The following ZNF345 variants were observed in gnomAD, a reference collection of about 807,000 sequenced individuals.
The protein encoded by ZNF345 is zinc finger protein 345, also known as zinc finger protein HZF10.
For missense variants in ZNF345, 527 were observed against 589.9 expected, an observed-to-expected ratio of 0.89 and a Z score of 1.10; for synonymous variants, 166 against 187.9, an observed-to-expected ratio of 0.88 and a Z score of 0.95.
intron 3 of ZNF345, chr19:36,891,439 G>T: frequency 1.3e-6 from 2 of 1,491,898 alleles, no homozygotes; most frequent in Admixed American, 2.3e-5. Flanking sequence ...CTCCTTACCT[G>T]TTTTAAAAAA....
chr19:36,867,487 A>G (rs1600704480), intron 2 of ZNF345, among the ~76,000 whole-genome samples: 1 of 152,334 alleles, frequency 6.6e-6, no homozygotes, highest in Admixed American at 6.5e-5. Flanking sequence ...AATACCCTGT[A>G]CCCAATTGAA....
rs1390952080 is a variant in ZNF345, at chr19:36,876,766, CT to C, written c.-46-15del. On this transcript the variant is annotated intron_variant, in intron 2 of 2. Coordinates refer to ENST00000420450, the MANE Select transcript of ZNF345 (RefSeq NM_001242472.2). Reference sequence around the variant, plus strand: ...CAGAACACAAAAAAGTGAATGTTTGCTTTTATATTTTCTTTCAGACTATGAA... The same window carrying C: ...CAGAACACAAAAAAGTGAATGTTTGCTTTATATTTTCTTTCAGACTATGAA... 16 of 1,476,794 alleles carry C rather than the reference CT, an allele frequency of 1.1e-5. No individual in the cohort carries two copies. The African/African-American group carries it at 1.4e-4, about 13-fold the overall frequency. The allele number at this position is 1,476,794 out of a possible 1,614,324, so 91.5% of individuals were successfully genotyped here.
At chr19:36,875,726 C>A (rs992833976) in intron 2 of ZNF345, among the ~76,000 whole-genome samples, 1 of 152,136 alleles carries the variant, frequency 6.6e-6, no homozygotes, top group African/African-American at 2.4e-5. Flanking sequence ...CATATTTAGA[C>A]CTGCTCTAAA....
intron 2 of ZNF345, chr19:36,862,971 A>G (rs2072584161): frequency 6.6e-6 from 1 of 152,254 alleles, no homozygotes; most frequent in South Asian, 2.1e-4. Flanking sequence ...AGGAAAGACC[A>G]TGTGAGTGCA....
intron 2 of ZNF345, among the ~76,000 whole-genome samples, chr19:36,862,732 C>T (rs925612598): frequency 6.6e-6 from 1 of 151,402 alleles, no homozygotes; most frequent in Non-Finnish European, 1.5e-5. Context: ...CATCACTCTG[C>T]TCCCACAACC....
Position 36,876,822 on chromosome 19 carries a change from A to C in ZNF345, c.-9A>C, listed in dbSNP as rs1462452732. On this transcript the variant is annotated 5_prime_UTR_variant, in exon 3 of 3. Transcript: ENST00000420450. ...AGTTGAGACCAAGAAATTATTTCTG[A>C]AAAAGGATATGGAAAACCTTACAAA... 6.4e-7 allele frequency: 1 copy of C among 1,559,170 alleles called. No individual in the cohort carries two copies. The highest frequency in any genetic ancestry group is 8.6e-7 in the Non-Finnish European group (1 of 1,156,818).
rs2072926082 is a variant in ZNF345, at chr19:36,877,996, A to G, written c.1166A>G (p.Gln389Arg). 1 of 1,613,908 alleles carries G rather than the reference A, an allele frequency of 6.2e-7. No homozygotes were observed. Among genetic ancestry groups the G allele is most frequent in the Admixed American group, 1.7e-5 (1 of 60,008 alleles). ...AGTGGCTCAAAACTTATCCAACACC[A>G]GCTAATCCATACTGGTGAAAGACCC... ...FGSGSKLIQH[Q>R]LIHTGERPYE... The change falls in exon 3 of 3, where the codon CAG becomes CGG. Residue 389 changes from glutamine to arginine, a missense_variant. Coordinates refer to ENST00000420450, the MANE Select transcript of ZNF345 (RefSeq NM_001242472.2).
Position 36,877,710 on chromosome 19 carries a change from G to T in ZNF345, c.880G>T (p.Ala294Ser). Residue 294 changes from alanine (A) to serine (S), a missense_variant, in exon 3 of 3, where the codon GCT (alanine) becomes TCT (serine). By Grantham distance (99) the Ala-to-Ser change is moderately conservative. Transcript: ENST00000420450. The part of the protein sequence containing the change: ...KPYVCKECGK[A>S]FNSGSDLTQH... ...TTATGTATGTAAGGAATGTGGGAAG[G>T]CTTTTAATAGTGGCTCAGATCTCAC... 1 of 1,613,896 alleles carries T rather than the reference G, an allele frequency of 6.2e-7. No individual in the cohort carries two copies. Among genetic ancestry groups the T allele is most frequent in the African/African-American group, 1.3e-5 (1 of 74,950 alleles).
downstream of ZNF345, among the ~76,000 whole-genome samples, chr19:36,882,389 T>C (rs546259456): frequency 2.0e-5 from 3 of 152,254 alleles, no homozygotes; most frequent in Admixed American, 2.0e-4. Flanking sequence ...TGCCTCAGCC[T>C]CCTGAGTAGC....
Position 36,892,750 on chromosome 19 carries a change from A to G in ZNF345, c.47-68A>G, listed in dbSNP as rs1053689223. ...AAGCCTTGGTGAATACACAGTGTTC[A>G]GCACCATCCTCCATATTATAGAGAG... On this transcript the variant is annotated intron_variant, in intron 3 of 3. Coordinates refer to the ZNF345 transcript ENST00000526123. 3 of 507,142 alleles carry G rather than the reference A, an allele frequency of 5.9e-6. No homozygotes were observed. The African/African-American group carries it at 6.0e-5, about 10-fold the overall frequency. The allele number at this position is 507,142 out of a possible 1,614,324, so 31.4% of individuals were successfully genotyped here. A position where few individuals can be genotyped will look rare whatever the true frequency, so the allele number is the denominator to read the frequency against.
intron 3 of ZNF345, among the ~76,000 whole-genome samples, chr19:36,884,952 A>G (rs141849908): frequency 4.8e-4 from 73 of 152,298 alleles, no homozygotes; most frequent in Admixed American, 1.0e-3. Flanking sequence ...ACCTTCTTAT[A>G]CATGTCTTTA....
At chr19:36,852,646 A>C (rs2072309472) in intron 2 of ZNF345, among the ~76,000 whole-genome samples, 1 of 151,698 alleles carries the variant, frequency 6.6e-6, no homozygotes, top group African/African-American at 2.4e-5. Context: ...GGGTTTGTAC[A>C]TCTTCAGTTT....
intron 3 of ZNF345, chr19:36,892,795 A>T (rs2303086): frequency 0.022 from 12,352 of 573,438 alleles, 915 homozygotes; most frequent in African/African-American, 0.18. Flanking sequence ...AAAAAAAAAA[A>T]ATTTTTTTTG....
At chr19:36,889,617 TATA>T (rs1252147459) in intron 3 of ZNF345, 1 of 152,230 alleles carries the variant, frequency 6.6e-6, no homozygotes, top group African/African-American at 2.4e-5. Flanking sequence ...TGTTATCAGT[TATA>T]ATATCACCTT....
At chr19:36,889,253 T>G (rs535416118) in intron 3 of ZNF345, 1 of 152,146 alleles carries the variant, frequency 6.6e-6, no homozygotes, top group African/African-American at 2.4e-5. Flanking sequence ...TGGCTTGTAG[T>G]TTTTTTGTGT....
At chr19:36,870,691 G>T (rs570021287) in intron 2 of ZNF345, among the ~76,000 whole-genome samples, 7 of 152,236 alleles carry the variant, frequency 4.6e-5, no homozygotes, top group African/African-American at 1.7e-4. Context: ...GAACTCCAAA[G>T]CCATTTTCAT....
chr19:36,858,685 G>C (rs1242084146), intron 2 of ZNF345, among the ~76,000 whole-genome samples: 1 of 152,138 alleles, frequency 6.6e-6, no homozygotes. Flanking sequence ...GAGACCCCTT[G>C]AACCTGGGAG....
At chr19:36,868,325 A>G (rs1292761558) in intron 2 of ZNF345, among the ~76,000 whole-genome samples, 2 of 151,982 alleles carry the variant, frequency 1.3e-5, no homozygotes, top group East Asian at 1.9e-4. Flanking sequence ...TTATATTTGC[A>G]TGTGTTTATC....
At chr19:36,881,968 T>G (rs1386535489), downstream of ZNF345, among the ~76,000 whole-genome samples, 1 of 152,036 alleles carries the variant, frequency 6.6e-6, no homozygotes, top group African/African-American at 2.4e-5. Context: ...TCTGTATATA[T>G]ATTTGTATTT....
Sources: allele counts gnomAD v4.1 joint callset (sites outside exome capture counted in the v4.1 genomes callset), GRCh38; gene constraint gnomAD v4.1.1; transcripts MANE v1.5; gene names NCBI Gene and HGNC (gene_info 2026-07-23, HGNC 2026-07-21).